Variants in ZNF800 observed in about 807,000 individuals in gnomAD.
The protein encoded by ZNF800 is zinc finger protein 800.
In ZNF800, 13 loss-of-function variants were observed where a neutral mutation model predicts 59.5. The ratio of observed to expected loss-of-function variants is 0.22; its 90% CI spans 0.14 to 0.35. ZNF800 has a LOEUF of 0.35. Ranked by LOEUF, ZNF800 falls within the 10% of genes least tolerant of loss-of-function variation. The pLI is 1.00. For synonymous variants in ZNF800, 266 were observed against 265.7 expected, an observed-to-expected ratio of 1.00 and a Z score of -0.01; for missense variants, 621 against 783.7, an observed-to-expected ratio of 0.79 and a Z score of 2.48.
chr7:127,368,366 A>G (rs1800556754), downstream of ZNF800, among the ~76,000 whole-genome samples: 1 of 152,142 alleles, frequency 6.6e-6, no homozygotes, highest in Non-Finnish European at 1.5e-5. Flanking sequence ...TAGCTCTTAA[A>G]GAGAGACGAC....
In ZNF800 at chr7:127,376,001, A is replaced by G. The variant is rs889887038; in HGVS notation, c.302-967T>C. ...GCAAATCCATTTACCATTTCACTCTATAAGTTAACTCTACAACTAAAAAAT... is the reference window on the plus strand; with the variant it reads ...GCAAATCCATTTACCATTTCACTCTGTAAGTTAACTCTACAACTAAAAAAT... On this transcript the variant is annotated intron_variant, in intron 4 of 5. Transcript: ENST00000265827. Among the ~76,000 whole-genome samples, 4 of 152,110 alleles carry G rather than the reference A, an allele frequency of 2.6e-5. No homozygotes were observed. The East Asian group carries it at 5.8e-4, about 22-fold the overall frequency.
At position 127,376,237 on chromosome 7, in the gene ZNF800, A is replaced by C. The variant is rs1241405965; in HGVS notation, c.301+949T>G. On this transcript the variant is annotated intron_variant, in intron 4 of 5. Coordinates refer to ENST00000265827, the MANE Select transcript of ZNF800 (RefSeq NM_176814.5). ...CTTTAAGCCAGCTTCATTATAATTAAAGCCATACTTATTTGGAGATTGCAT... is the reference window on the plus strand; with the variant it reads ...CTTTAAGCCAGCTTCATTATAATTACAGCCATACTTATTTGGAGATTGCAT... 2.0e-5 allele frequency among the ~76,000 whole-genome samples: 3 copies of C among 151,964 alleles called. No individual in the cohort carries two copies. The East Asian group carries it at 5.8e-4, about 29-fold the overall frequency.
downstream of ZNF800, among the ~76,000 whole-genome samples, chr7:127,369,750 GAA>G (rs1489196308): frequency 6.6e-6 from 1 of 152,018 alleles, no homozygotes; most frequent in Non-Finnish European, 1.5e-5. Flanking sequence ...TGTGGCCCCA[GAA>G]TTACTATGGA....
chr7:127,377,033 A>C lies in ZNF800; in HGVS notation c.301+153T>G, dbSNP rs1800805955. Among the ~76,000 whole-genome samples the C allele has an allele frequency of 6.6e-6, 1 of 152,040 alleles. No homozygotes were observed. The highest frequency in any genetic ancestry group is 1.5e-5 in the Non-Finnish European group (1 of 67,900). On this transcript the variant is annotated intron_variant, in intron 4 of 5. Coordinates refer to ENST00000265827, the MANE Select transcript of ZNF800 (RefSeq NM_176814.5). The surrounding 1 kb of genome is among the most constrained non-coding windows in gnomAD (Gnocchi z 4.7). ...AATGTAACATTGAGTCAAGTATTTA[A>C]TTTTATTCTCCATCTCCATCTAAAA...
intron 1 of ZNF800, chr7:127,364,340 T>C (rs1210959641): frequency 6.6e-6 from 1 of 152,154 alleles, no homozygotes; most frequent in Admixed American, 6.6e-5. Context: ...ACATTGTTCA[T>C]TCATTCAAAA....
At chr7:127,384,395 C>T (rs12706783) in intron 3 of ZNF800, among the ~76,000 whole-genome samples, 23,091 of 151,528 alleles carry the variant, frequency 0.15, 1,863 homozygotes, top group Middle Eastern at 0.22. Flanking sequence ...CGCCGCCCCC[C>T]AGCTAATTTT....
chr7:127,348,225 C>T (rs1800106414), intron 1 of ZNF800, among the ~76,000 whole-genome samples: 1 of 152,002 alleles, frequency 6.6e-6, no homozygotes, highest in African/African-American at 2.4e-5. Context: ...CATAGGAAAA[C>T]AGATCCAATT....
downstream of ZNF800, among the ~76,000 whole-genome samples, chr7:127,369,037 C>A (rs576995181): frequency 4.2e-3 from 362 of 85,178 alleles, 2 homozygotes; most frequent in African/African-American, 0.016. Flanking sequence ...GAGACATAAA[C>A]CAAAAAAAAA....
chr7:127,350,019 G>C (rs976611354), intron 1 of ZNF800: 1 of 152,156 alleles, frequency 6.6e-6, no homozygotes, highest in African/African-American at 2.4e-5. Flanking sequence ...ATTACCTTCA[G>C]ATTACTCAGA....
At position 127,373,921 on chromosome 7, in the gene ZNF800, G is replaced by C; in HGVS notation, c.1415C>G (p.Thr472Ser). 1 of 1,614,146 alleles carries C rather than the reference G, an allele frequency of 6.2e-7. No homozygotes were observed. The highest frequency in any genetic ancestry group is 1.1e-5 in the South Asian group (1 of 91,082). ...SPSAAGGQQK[T>S]RKPKLSAGFD... ...GCCAGCTGAAAGTTTTGGTTTTCTG[G>C]TTTTTTGCTGGCCACCTGCAGCCGA... Residue 472 changes from threonine (T) to serine (S), a missense_variant, in exon 5 of 6, where the codon ACC (threonine) becomes AGC (serine). Physicochemically the swap from Thr to Ser is moderately conservative, Grantham distance 58 (BLOSUM62 1). Around this residue, in one of 7 missense-constraint regions of ZNF800, gnomAD observed 185 missense variants for 177.6 expected, o/e 1.04. Coordinates refer to ENST00000265827, the MANE Select transcript of ZNF800 (RefSeq NM_176814.5).
intron 1 of ZNF800, among the ~76,000 whole-genome samples, chr7:127,391,851 G>GGCCGGCAGCGCGGGCGGCTGCGGCCTC (rs1423157287): frequency 3.3e-5 from 5 of 151,874 alleles, no homozygotes; most frequent in South Asian, 4.1e-4. Context: ...GCGAAGGCCT[G>GGCCGGCAGCGCGGGCGGCTGCGGCCTC]GCCGGCAGCG....
intron 1 of ZNF800, chr7:127,360,929 T>A (rs907396534): frequency 3.3e-5 from 5 of 152,204 alleles, no homozygotes; most frequent in Admixed American, 3.3e-4. Flanking sequence ...GTTTTGCAGG[T>A]CACTTAACCA....
At chr7:127,367,230 T>C (rs1271605772), downstream of ZNF800, among the ~76,000 whole-genome samples, 1 of 152,130 alleles carries the variant, frequency 6.6e-6, no homozygotes, top group African/African-American at 2.4e-5. Context: ...CCTGATCACT[T>C]ATATCTCCCA....
downstream of ZNF800, among the ~76,000 whole-genome samples, chr7:127,369,592 T>C (rs963045147): frequency 6.6e-6 from 1 of 152,130 alleles, no homozygotes; most frequent in Non-Finnish European, 1.5e-5. Flanking sequence ...TATGCCATTA[T>C]CCATTAATTC....
At chr7:127,372,892 AT>A in intron 5 of ZNF800, 2 of 985,108 alleles carry the variant, frequency 2.0e-6, no homozygotes, top group Non-Finnish European at 2.4e-6. Flanking sequence ...GCCTCAAAAG[AT>A]TTTTTCCTAT....
chr7:127,366,685 T>C (rs1175875262), downstream of ZNF800, among the ~76,000 whole-genome samples: 2 of 152,158 alleles, frequency 1.3e-5, no homozygotes, highest in Non-Finnish European at 2.9e-5. Flanking sequence ...CATCACATTT[T>C]AGGACTATGG....
intron 1 of ZNF800, among the ~76,000 whole-genome samples, chr7:127,356,889 A>AAAAAC (rs1554372371): frequency 6.6e-6 from 1 of 152,050 alleles, no homozygotes. Context: ...TTTAGGAGTT[A>AAAAAC]TAACTCAGCC....
At chr7:127,384,159 A>G (rs1801058423) in intron 3 of ZNF800, among the ~76,000 whole-genome samples, 1 of 148,594 alleles carries the variant, frequency 6.7e-6, no homozygotes, top group Non-Finnish European at 1.5e-5. Flanking sequence ...GATTTTGGGT[A>G]CAGGTTCTTG....
Position 127,377,311 on chromosome 7 carries a change from T to C in ZNF800, c.176A>G (p.His59Arg). 6.2e-7 allele frequency: 1 copy of C among 1,606,488 alleles called. No homozygotes were observed. The highest frequency in any genetic ancestry group is 1.1e-5 in the South Asian group (1 of 89,762). ...AGTGTCCACATCTTTTAATAAAATA[T>C]GCTTAAGTTGTTTAGTTCCTGAGAG... ...CFRSGTKQLK[H>R]ILLKDVDTIF... Residue 59 changes from histidine (H) to arginine (R), a missense_variant, in exon 4 of 6, where the codon CAT becomes CGT. Around this residue, in one of 7 missense-constraint regions of ZNF800, gnomAD observed 57 missense variants for 77.1 expected, o/e 0.74. Transcript: ENST00000265827. This position sits in a 1 kb window ranked among gnomAD's most constrained non-coding sequence, Gnocchi z 4.7.
Sources: gnomAD v4.1 joint callset for allele counts (sites outside exome capture counted in the v4.1 genomes callset) on GRCh38, gnomAD v4.1.1 for gene constraint, gnomAD v4.1.1 regional missense constraint, Gnocchi (gnomAD v3.1) non-coding constraint, MANE v1.5 for transcripts, NCBI Gene and HGNC (gene_info 2026-07-23, HGNC 2026-07-21) for gene names.